RELN: variants seen among roughly 807,000 people sequenced by gnomAD.
RELN encodes the protein reelin.
A neutral mutation model predicts 427.6 loss-of-function variants in RELN; 108 were observed. The ratio of observed to expected loss-of-function variants is 0.25; its 90% confidence interval spans 0.22 to 0.30. RELN has a LOEUF of 0.30. Ranked by LOEUF, RELN falls within the 10% of genes least tolerant of loss-of-function variation. RELN has a pLI of 1.00. For missense variants in RELN, 3,715 were observed against 4,302.8 expected (o/e 0.86, Z 3.82); for synonymous variants, 1,524 against 1,513.4 (o/e 1.01, Z -0.16).
intron 6 of RELN, among the ~76,000 whole-genome samples, chr7:103,741,278 T>C (rs1013008451): frequency 2.6e-5 from 4 of 152,204 alleles, no homozygotes; most frequent in South Asian, 2.1e-4. Context: ...GAAGTTTACA[T>C]TGACTTCTAA....
intron 11 of RELN, among the ~76,000 whole-genome samples, chr7:103,664,976 C>A (rs1307731088): frequency 6.6e-6 from 1 of 151,890 alleles, no homozygotes; most frequent in Non-Finnish European, 1.5e-5. Context: ...TCTATCTTTT[C>A]TCTATGCTTT....
chr7:103,819,768 A>G (rs1792970377), intron 3 of RELN, among the ~76,000 whole-genome samples: 1 of 152,134 alleles, frequency 6.6e-6, no homozygotes, highest in Non-Finnish European at 1.5e-5. Context: ...AACATTTAAA[A>G]ATCAGGAATT....
rs1314152172 is a variant in RELN, at chr7:103,988,094, G to C, written c.226+1037C>G. ...TAGAAACTATTAACAGGAGCCTACT[G>C]GACAATGGTTTCTATTTGGTTGGGT... On this transcript the variant is annotated intron_variant, in intron 1 of 64. Transcript: ENST00000428762. This position sits in a 1 kb window ranked among gnomAD's most constrained non-coding sequence, Gnocchi z 4.9. Among the ~76,000 whole-genome samples, 1 of 152,096 alleles carries C rather than the reference G, an allele frequency of 6.6e-6. No individual in the cohort carries two copies. Among genetic ancestry groups the C allele is most frequent in the Non-Finnish European group, 1.5e-5 (1 of 68,032 alleles).
chr7:103,699,651 A>G (rs17154438), intron 9 of RELN, among the ~76,000 whole-genome samples: 34,364 of 151,970 alleles, frequency 0.23, 4,994 homozygotes, highest in African/African-American at 0.41. Flanking sequence ...ATGATATATA[A>G]CATACTAGAA....
intron 6 of RELN, among the ~76,000 whole-genome samples, chr7:103,734,837 A>T (rs1481519657): frequency 6.6e-6 from 1 of 152,170 alleles, no homozygotes; most frequent in Admixed American, 6.5e-5. Flanking sequence ...ATTTATTTTG[A>T]AAATTTACAA....
intron 4 of RELN, among the ~76,000 whole-genome samples, chr7:103,775,340 A>G (rs558616623): frequency 1.3e-5 from 2 of 152,322 alleles, no homozygotes; most frequent in South Asian, 2.1e-4. Context: ...GTTTGAAACT[A>G]TAACTAGAAT....
In RELN at chr7:103,566,327, A is replaced by G. The variant is rs1169433488; in HGVS notation, c.4833T>C (p.Asp1611=). 4.3e-6 allele frequency: 7 copies of G among 1,613,988 alleles called. No homozygotes were observed. The African/African-American group carries it at 9.3e-5, about 22-fold the overall frequency. The part of the protein sequence containing the change: ...SSQTGFQDKF[D]GSIDLQANWY... ...AGTTGGCTTGCAAATCTATAGAGCC[A>G]TCAAATTTGTCTTGAAATCCAGTTT... is the stretch of plus-strand genomic sequence containing the variant. Residue 1611 remains aspartate, a synonymous_variant, in exon 33 of 65, where the codon GAT becomes GAC. Coordinates refer to ENST00000428762, the MANE Select transcript of RELN (RefSeq NM_005045.4).
intron 6 of RELN, among the ~76,000 whole-genome samples, chr7:103,744,511 C>A (rs1790762034): frequency 1.3e-5 from 2 of 152,158 alleles, no homozygotes; most frequent in African/African-American, 2.4e-5. Flanking sequence ...AACTGATAGA[C>A]CACTAGCAAG....
At chr7:103,787,744 C>A (rs1266767165) in intron 3 of RELN, among the ~76,000 whole-genome samples, 1 of 152,172 alleles carries the variant, frequency 6.6e-6, no homozygotes, top group African/African-American at 2.4e-5. Context: ...CAGCCAAATT[C>A]TACCAGAGGT....
chr7:103,570,148 A>C (rs1830848385), intron 31 of RELN, among the ~76,000 whole-genome samples: 1 of 152,234 alleles, frequency 6.6e-6, no homozygotes, highest in African/African-American at 2.4e-5. Flanking sequence ...CTAGTTGAGA[A>C]AAAGTTGCTT....
At chr7:103,656,884 G>C (rs77853380) in intron 12 of RELN, among the ~76,000 whole-genome samples, 2 of 151,960 alleles carry the variant, frequency 1.3e-5, no homozygotes, top group Non-Finnish European at 2.9e-5. Context: ...ACATTTTCAG[G>C]TATATAGATC....
chr7:103,602,765 G>A (rs745329614), intron 24 of RELN, among the ~76,000 whole-genome samples: 1 of 152,078 alleles, frequency 6.6e-6, no homozygotes, highest in South Asian at 2.1e-4. Context: ...AACCACCATG[G>A]CACGTGTATA....
rs1038140755 is a variant in RELN, at chr7:103,557,141, T to C, written c.5633A>G (p.His1878Arg). ...FIAKSTPERS[H>R]SILLQFSISG... is the part of the protein sequence containing the mutation. ...GATGGAGAATTGTAACAGAATAGAGTGAGATCTCTCTGGGGTACCTAGGAA... is the reference window on the plus strand; with the variant it reads ...GATGGAGAATTGTAACAGAATAGAGCGAGATCTCTCTGGGGTACCTAGGAA... The change falls in exon 38 of 65, where the codon CAC becomes CGC. Residue 1878 changes from histidine to arginine, a missense_variant. By Grantham distance (29) the His-to-Arg change is conservative (BLOSUM62 0). Transcript: ENST00000428762. 5 of 1,612,618 alleles carry C rather than the reference T, an allele frequency of 3.1e-6. No individual in the cohort carries two copies. The African/African-American group carries it at 4.0e-5, about 13-fold the overall frequency.
intron 2 of RELN, among the ~76,000 whole-genome samples, chr7:103,895,237 G>A (rs959164656): frequency 6.6e-6 from 1 of 151,982 alleles, no homozygotes; most frequent in East Asian, 1.9e-4. Flanking sequence ...ACATCTTCTG[G>A]GCAAATTGTG....
intron 3 of RELN, among the ~76,000 whole-genome samples, chr7:103,820,885 CAG>C (rs1419917635): frequency 6.6e-6 from 1 of 152,014 alleles, no homozygotes; most frequent in African/African-American, 2.4e-5. Flanking sequence ...CACATGCACA[CAG>C]ACACACACGT....
At chr7:103,521,620 A>G (rs1829710998) in intron 48 of RELN, among the ~76,000 whole-genome samples, 1 of 152,218 alleles carries the variant, frequency 6.6e-6, no homozygotes, top group Non-Finnish European at 1.5e-5. Context: ...TGCAGATGGA[A>G]GATTGCACAA....
intron 11 of RELN, among the ~76,000 whole-genome samples, chr7:103,663,661 A>T (rs916070954): frequency 1.3e-5 from 2 of 152,178 alleles, no homozygotes; most frequent in Admixed American, 1.3e-4. Context: ...TGCCAGGCTT[A>T]GGCTTTGGTA....
chr7:103,982,358 G>A (rs1797008205), intron 1 of RELN, among the ~76,000 whole-genome samples: 1 of 152,232 alleles, frequency 6.6e-6, no homozygotes, highest in East Asian at 1.9e-4. Flanking sequence ...GAAATTCTAT[G>A]GGAGGACCAC....
At chr7:103,520,954 GTTATT>G (rs1829687039) in intron 48 of RELN, among the ~76,000 whole-genome samples, 4 of 78,190 alleles carry the variant, frequency 5.1e-5, no homozygotes, top group African/African-American at 2.0e-4. Context: ...CAGTAAATTT[GTTATT>G]TTTTTTTTTT....
Sources: gnomAD v4.1 joint callset for allele counts (sites outside exome capture counted in the v4.1 genomes callset) on GRCh38, gnomAD v4.1.1 for gene constraint, Gnocchi (gnomAD v3.1) non-coding constraint, MANE v1.5 for transcripts, NCBI Gene and HGNC (gene_info 2026-07-23, HGNC 2026-07-21) for gene names.